The following CCPG1 variants were observed in gnomAD, a reference collection of about 807,000 sequenced individuals.
CCPG1 encodes cell cycle progression protein 1.
In CCPG1, 46 loss-of-function variants were observed where a neutral mutation model predicts 81.3. That is an observed-to-expected ratio of 0.57 (90% CI 0.45 to 0.72). The LOEUF (loss-of-function observed/expected upper bound fraction) is 0.72, where lower values mean the gene tolerates loss of function less well. Among genes scored for constraint, CCPG1 ranks in the 30% least tolerant of loss-of-function variants. CCPG1 has a pLI of 0.00. For missense variants in CCPG1, 902 were observed against 937.6 expected, an observed-to-expected ratio of 0.96 and a Z score of 0.50; for synonymous variants, 330 against 305.2, an observed-to-expected ratio of 1.08 and a Z score of -0.85.
intron 3 of CCPG1, among the ~76,000 whole-genome samples, chr15:55,379,713 A>G (rs1274665824): frequency 1.3e-5 from 2 of 152,176 alleles, no homozygotes; most frequent in African/African-American, 4.8e-5. Flanking sequence ...CAGAAAAACT[A>G]AATGTCACTA....
chr15:55,407,425 T>A (rs1303931255), intron 1 of CCPG1, among the ~76,000 whole-genome samples: 1 of 152,186 alleles, frequency 6.6e-6, no homozygotes, highest in Non-Finnish European at 1.5e-5. Flanking sequence ...AGCACTATCC[T>A]GTAGATTGGA....
At chr15:55,377,327 A>G (rs999774274) in intron 4 of CCPG1, among the ~76,000 whole-genome samples, 177 bp from the exon 5 acceptor site, 1 of 152,220 alleles carries the variant, frequency 6.6e-6, no homozygotes, top group African/African-American at 2.4e-5. Context: ...TGAGAACACC[A>G]TCAGATCCCT....
chr15:55,401,153 G>GA (rs2057122179), intron 1 of CCPG1, among the ~76,000 whole-genome samples: 1 of 152,058 alleles, frequency 6.6e-6, no homozygotes, highest in African/African-American at 2.4e-5. Flanking sequence ...GTGTGAAGTG[G>GA]AAATTAAACC....
At position 55,376,081 on chromosome 15, in the gene CCPG1, T is replaced by C. The variant is rs144494687; in HGVS notation, c.454+868A>G. Among the ~76,000 whole-genome samples, 1,224 of 152,304 alleles carry C rather than the reference T, an allele frequency of 8.0e-3. 17 individuals are homozygous for C. The highest frequency in any genetic ancestry group is 0.028 in the African/African-American group (1,170 of 41,568). ...GTTGGCAAATGTAAATATTAAAGAA[T>C]GGTAAAATCTAAAAAAATTATCTAA... On this transcript the variant is annotated intron_variant, in intron 5 of 8. Transcript: ENST00000442196.
chr15:55,407,038 C>CCA (rs2057242697), intron 1 of CCPG1, among the ~76,000 whole-genome samples: 1 of 112,104 alleles, frequency 8.9e-6, no homozygotes, highest in African/African-American at 4.2e-5. Flanking sequence ...CACGTTGAGA[C>CCA]CCCCCCCCCC....
In CCPG1 at chr15:55,360,093, T is replaced by C; in HGVS notation, c.1680A>G (p.Glu560=). The change falls in exon 8 of 9, where the codon GAA becomes GAG. Residue 560 remains glutamate, a synonymous_variant. Transcript: ENST00000442196. ...KRFGATKEAA[E]KPRTVFSDYL... ...AGTCACTAAAAACTGTTCTTGGTTT[T>C]TCAGCTGCTTCTTTTGTAGCACCAA... The C allele has an allele frequency of 6.2e-7, 1 of 1,614,036 alleles. No homozygotes were observed. The highest frequency in any genetic ancestry group is 8.5e-7 in the Non-Finnish European group (1 of 1,180,000).
At chr15:55,373,146 C>G (rs2056489860) in intron 5 of CCPG1, 1 of 413,300 alleles carries the variant, frequency 2.4e-6, no homozygotes, top group African/African-American at 2.1e-5. Context: ...GAAACAAATT[C>G]CCTGGAAAAA....
chr15:55,392,857 C>G (rs1314210216), intron 1 of CCPG1, among the ~76,000 whole-genome samples: 1 of 152,134 alleles, frequency 6.6e-6, no homozygotes, highest in Non-Finnish European at 1.5e-5. Flanking sequence ...ATAATCCCAG[C>G]ACTTTGGGAG....
intron 1 of CCPG1, among the ~76,000 whole-genome samples, chr15:55,392,344 G>A (rs957612577): frequency 1.3e-4 from 20 of 150,246 alleles, no homozygotes; most frequent in Admixed American, 1.2e-3. Flanking sequence ...CCCGAGTAGC[G>A]GGGATTACAG....
intron 3 of CCPG1, 73 bp downstream of exon 3, chr15:55,385,527 G>C (rs2056781786): frequency 1.4e-6 from 1 of 736,668 alleles, no homozygotes; most frequent in East Asian, 2.9e-5. Flanking sequence ...CACCCACCTG[G>C]AAAGAAGGCA....
rs1326456501 is a variant in CCPG1, at chr15:55,376,187, C to T, written c.454+762G>A. ...CTAGCAGTGTTTCAAGTTGTCTCTG[C>T]CATAACTCACGCTTAGTTATAATTG... is the stretch of plus-strand genomic sequence containing the variant. On this transcript the variant is annotated intron_variant, in intron 5 of 8. Coordinates refer to ENST00000442196, the MANE Select transcript of CCPG1 (RefSeq NM_001204450.2). 2.6e-5 allele frequency among the ~76,000 whole-genome samples: 4 copies of T among 152,168 alleles called. No homozygotes were observed. The East Asian group carries it at 7.7e-4, about 29-fold the overall frequency.
intron 6 of CCPG1, 66 bp downstream of exon 6, chr15:55,371,727 T>C (rs971189090): frequency 6.8e-7 from 1 of 1,471,760 alleles, no homozygotes. Context: ...ATCCCAAGAG[T>C]CCTCACTCTT....
chr15:55,386,505 C>G (rs2141305517), intron 2 of CCPG1, among the ~76,000 whole-genome samples: 1 of 152,242 alleles, frequency 6.6e-6, no homozygotes, highest in Admixed American at 6.5e-5. Flanking sequence ...TCCGTCTTTC[C>G]CTATGTCCCC....
At chr15:55,407,593 A>G (rs1309490262) in intron 1 of CCPG1, among the ~76,000 whole-genome samples, 1 of 152,158 alleles carries the variant, frequency 6.6e-6, no homozygotes, top group Non-Finnish European at 1.5e-5. Flanking sequence ...AACATAAACA[A>G]CGCGTACAAG....
chr15:55,361,620 C>A (rs2056198700), intron 7 of CCPG1, among the ~76,000 whole-genome samples: 1 of 151,398 alleles, frequency 6.6e-6, no homozygotes, highest in African/African-American at 2.4e-5. Flanking sequence ...GCAGGGGAAT[C>A]GCTTGAACCC....
rs2141232331 is a variant in CCPG1, at chr15:55,355,339, C to T, written c.*881G>A. 1.1e-5 allele frequency: 18 copies of T among 1,611,140 alleles called. No homozygotes were observed. Among genetic ancestry groups the T allele is most frequent in the Non-Finnish European group, 1.5e-5 (18 of 1,177,552 alleles). ...ATTATAAAAGAACTGCTGTTTTCTT[C>T]CACACTCACTTGCCAGAGGGTCGAA... is the stretch of plus-strand genomic sequence containing the variant. On this transcript the variant is annotated 3_prime_UTR_variant, in exon 9 of 9. Transcript: ENST00000442196.
intron 7 of CCPG1, among the ~76,000 whole-genome samples, chr15:55,362,344 A>AAT (rs2056220431): frequency 6.6e-6 from 1 of 152,142 alleles, no homozygotes; most frequent in South Asian, 2.1e-4. Flanking sequence ...AAAAAAGGAA[A>AAT]AAAAAATACA....
Position 55,385,708 on chromosome 15 carries a change from C to G in CCPG1, c.67G>C (p.Asp23His). Residue 23 changes from aspartate to histidine, a missense_variant, in exon 3 of 9, where the codon GAT (aspartate) becomes CAT (histidine). Coordinates refer to ENST00000442196, the MANE Select transcript of CCPG1 (RefSeq NM_001204450.2). ...GWTVISHEGS[D>H]IEMLNSVTPT... ...GTCACAGAATTCAACATTTCTATAT[C>G]TGACCCCTAAGGAAAAGTGATAATC... 1.3e-6 allele frequency: 2 copies of G among 1,568,800 alleles called. No individual in the cohort carries two copies. Among genetic ancestry groups the G allele is most frequent in the Non-Finnish European group, 1.8e-6 (2 of 1,139,046 alleles).
chr15:55,388,251 A>T (rs1269677628), intron 2 of CCPG1, among the ~76,000 whole-genome samples: 3 of 152,212 alleles, frequency 2.0e-5, no homozygotes, highest in Non-Finnish European at 4.4e-5. Context: ...AACCTGGAGT[A>T]AAACCTGGAG....
Sources: gnomAD v4.1 joint callset for allele counts (sites outside exome capture counted in the v4.1 genomes callset) on GRCh38, gnomAD v4.1.1 for gene constraint, MANE v1.5 for transcripts, NCBI Gene and HGNC (gene_info 2026-07-23, HGNC 2026-07-21) for gene names.